Variants in SLC12A2 observed in about 807,000 individuals in gnomAD.
The protein encoded by SLC12A2 is solute carrier family 12 member 2.
SLC12A2 carries 67 observed loss-of-function variants against 136.3 expected under a neutral mutation model. The observed-to-expected ratio is 0.49, with a 90% CI of 0.40 to 0.60. The LOEUF is 0.60. Among genes scored for constraint, SLC12A2 ranks in the 20% least tolerant of loss-of-function variants. The probability of loss-of-function intolerance (pLI) is 0.00; values close to 1 mark genes in which losing one functional copy is unlikely to be tolerated. For missense variants in SLC12A2, 1,322 were observed against 1,534.7 expected (o/e 0.86, Z 2.32); for synonymous variants, 619 against 562.9 (o/e 1.10, Z -1.41).
At chr5:128,112,599 G>T (rs1411730287) in intron 1 of SLC12A2, among the ~76,000 whole-genome samples, 4 of 152,114 alleles carry the variant, frequency 2.6e-5, no homozygotes, top group African/African-American at 9.7e-5. Context: ...CTGTCATAGT[G>T]AGACTTAAAT....
chr5:128,122,114 C>T (rs1171827188), intron 4 of SLC12A2, among the ~76,000 whole-genome samples: 1 of 152,168 alleles, frequency 6.6e-6, no homozygotes, highest in Non-Finnish European at 1.5e-5. Context: ...TTTCCTCAAC[C>T]ACTTTTTGCT....
At chr5:128,118,979 G>A (rs1161161066) in intron 4 of SLC12A2, among the ~76,000 whole-genome samples, 1 of 152,108 alleles carries the variant, frequency 6.6e-6, no homozygotes, top group African/African-American at 2.4e-5. Context: ...GGAGAGGAGA[G>A]TTAATGGTTT....
At chr5:128,105,869 C>CT in intron 1 of SLC12A2, among the ~76,000 whole-genome samples, 1 of 152,230 alleles carries the variant, frequency 6.6e-6, no homozygotes, top group South Asian at 2.1e-4. Flanking sequence ...TACCTACTAG[C>CT]TTTTTATCCC....
chr5:128,126,966 A>ATATATAATTTTTT lies in SLC12A2; in HGVS notation c.1049-4100_1049-4099insATATAATTTTTTT. 3.8e-4 allele frequency among the ~76,000 whole-genome samples: 8 copies of ATATATAATTTTTT among 21,154 alleles called. 1 individual carries two copies. Among genetic ancestry groups the ATATATAATTTTTT allele is most frequent in the East Asian group, 1.6e-3 (2 of 1,214 alleles). 13.9% of individuals were successfully genotyped at this position (21,154 alleles called of 152,430 possible). Reference sequence around the variant, plus strand: ...CATATATATATATATATATATATATATTTTTTTTTTTTTTTTTTTTTGCAT... The same window carrying ATATATAATTTTTT: ...CATATATATATATATATATATATATATATATAATTTTTTTTTTTTTTTTTTTTTTTTTTTGCAT... On this transcript the variant is annotated intron_variant, in intron 4 of 26. Transcript: ENST00000262461.
intron 16 of SLC12A2, among the ~76,000 whole-genome samples, chr5:128,159,000 A>C (rs569420729): frequency 8.6e-5 from 13 of 151,848 alleles, no homozygotes; most frequent in African/African-American, 3.1e-4. Flanking sequence ...TTGACAAGCC[A>C]ACTTTTTTTT....
At chr5:128,113,320 C>T (rs1761223225) in intron 2 of SLC12A2, among the ~76,000 whole-genome samples, 1 of 152,184 alleles carries the variant, frequency 6.6e-6, no homozygotes, top group Admixed American at 6.5e-5. Flanking sequence ...ATGCCTGCTT[C>T]CTTTCACATT....
In SLC12A2 at chr5:128,114,298, T is replaced by C; in HGVS notation, c.952+11T>C. Reference sequence around the variant, plus strand: ...GTCAAGCTGGAATAGGTAAGTGAAGTTATATCCTGCTTGATTTGAGAATAA... The same window carrying C: ...GTCAAGCTGGAATAGGTAAGTGAAGCTATATCCTGCTTGATTTGAGAATAA... On this transcript the variant is annotated intron_variant, in intron 3 of 26. Transcript: ENST00000262461. 1 of 1,599,600 alleles carries C rather than the reference T, an allele frequency of 6.3e-7. No homozygotes were observed. Among genetic ancestry groups the C allele is most frequent in the Non-Finnish European group, 8.6e-7 (1 of 1,167,670 alleles).
chr5:128,179,878 T>C (rs1763647509), intron 22 of SLC12A2, among the ~76,000 whole-genome samples: 1 of 151,066 alleles, frequency 6.6e-6, no homozygotes, highest in Admixed American at 6.6e-5. Flanking sequence ...GATGTTCCAA[T>C]TGTCCTATAT....
chr5:128,104,847 AAAATCTCCTCTGGAGCTATACAGTGCAG>A (rs1488601021), intron 1 of SLC12A2, among the ~76,000 whole-genome samples: 1 of 152,060 alleles, frequency 6.6e-6, no homozygotes, highest in Non-Finnish European at 1.5e-5. Context: ...TAGAATTTTA[AAAATCTCCTCTGGAGCTATACAGTGCAG>A]AACTTCTGCT....
chr5:128,180,422 T>C (rs531177493), intron 22 of SLC12A2, among the ~76,000 whole-genome samples: 16 of 152,286 alleles, frequency 1.1e-4, no homozygotes, highest in Admixed American at 2.0e-4. Flanking sequence ...GATCAGGGCA[T>C]TGGATATGCT....
chr5:128,153,313 G>A (rs1420775935), intron 15 of SLC12A2, among the ~76,000 whole-genome samples: 1 of 152,188 alleles, frequency 6.6e-6, no homozygotes, highest in East Asian at 1.9e-4. Context: ...CCAGCACTTT[G>A]GGACGCCAAG....
chr5:128,184,362 A>G lies in SLC12A2; in HGVS notation c.3300-4A>G, dbSNP rs2126761319. On this transcript the variant is annotated splice_region_variant and splice_polypyrimidine_tract_variant and intron_variant, in intron 24 of 26. Coordinates refer to ENST00000262461, the MANE Select transcript of SLC12A2 (RefSeq NM_001046.3). The stretch of plus-strand genomic sequence containing the variant: ...GTTGTCAGTATTCTTTCTGTTTTTT[A>G]AAGTATTATAGCTTTTGAGGAAATC... 2.7e-6 allele frequency: 4 copies of G among 1,493,878 alleles called. No homozygotes were observed. The highest frequency in any genetic ancestry group is 2.7e-6 in the Non-Finnish European group (3 of 1,110,886). The allele number at this position is 1,493,878 out of a possible 1,614,324, so 92.5% of individuals were successfully genotyped here.
intron 18 of SLC12A2, chr5:128,168,376 A>G (rs1581131088): frequency 6.6e-6 from 1 of 152,092 alleles, no homozygotes. Context: ...TTGTTTTTCT[A>G]CCACTATGAA....
At chr5:128,160,162 C>T (rs1002918618) in intron 16 of SLC12A2, among the ~76,000 whole-genome samples, 6 of 152,060 alleles carry the variant, frequency 3.9e-5, no homozygotes, top group Non-Finnish European at 8.8e-5. Context: ...ACTGTATGTT[C>T]TCACTCATAA....
chr5:128,122,510 CAAA>C (rs1193642581), intron 4 of SLC12A2, among the ~76,000 whole-genome samples: 1 of 152,036 alleles, frequency 6.6e-6, no homozygotes, highest in Non-Finnish European at 1.5e-5. Flanking sequence ...ATAGTGAGAA[CAAA>C]AAATCAATTA....
At chr5:128,167,899 C>A in intron 18 of SLC12A2, 32 bp downstream of exon 18, 2 of 1,267,738 alleles carry the variant, frequency 1.6e-6, no homozygotes, top group South Asian at 1.5e-5. Context: ...TAATTTAGTT[C>A]ATTTAGAAAA....
intron 4 of SLC12A2, among the ~76,000 whole-genome samples, chr5:128,122,158 G>A (rs1330464641): frequency 6.6e-6 from 1 of 152,146 alleles, no homozygotes; most frequent in Non-Finnish European, 1.5e-5. Flanking sequence ...TAAAAGCAGA[G>A]GTCAGTATCT....
At chr5:128,126,971 T>TATATATAA (rs1347112296) in intron 4 of SLC12A2, among the ~76,000 whole-genome samples, 16 of 122,990 alleles carry the variant, frequency 1.3e-4, no homozygotes, top group African/African-American at 5.8e-4. Flanking sequence ...TATATATTTT[T>TATATATAA]TTTTTTTTTT....
intron 4 of SLC12A2, among the ~76,000 whole-genome samples, chr5:128,129,190 C>G (rs538210482): frequency 6.6e-6 from 1 of 151,996 alleles, no homozygotes; most frequent in East Asian, 1.9e-4. Flanking sequence ...ATTTTCTCAT[C>G]TATAAAATCA....
Sources: allele counts gnomAD v4.1 joint callset (sites outside exome capture counted in the v4.1 genomes callset), GRCh38; gene constraint gnomAD v4.1.1; transcripts MANE v1.5; gene names NCBI Gene and HGNC (gene_info 2026-07-23, HGNC 2026-07-21).